Variants in TRHDE observed in about 807,000 individuals in gnomAD.
The protein encoded by TRHDE is thyrotropin releasing hormone degrading enzyme, also known as thyrotropin-releasing hormone-degrading ectoenzyme.
In TRHDE, 72 loss-of-function variants were observed where a neutral mutation model predicts 125.7. The ratio of observed to expected loss-of-function variants is 0.57; its 90% confidence interval spans 0.47 to 0.70. The LOEUF (loss-of-function observed/expected upper bound fraction) is 0.70, where lower values mean the gene tolerates loss of function less well. Ranked by LOEUF, TRHDE falls within the 30% of genes least tolerant of loss-of-function variation. The pLI is 0.00. For missense variants in TRHDE, 1,110 were observed against 1,327.1 expected (o/e 0.84, Z 2.54); for synonymous variants, 509 against 509.1 (o/e 1.00, Z 0.00).
At chr12:72,183,962 A>C (rs571487484) in intron 2 of TRHDE, among the ~76,000 whole-genome samples, 9 of 152,186 alleles carry the variant, frequency 5.9e-5, no homozygotes, top group Non-Finnish European at 1.3e-4. Flanking sequence ...AAACCAGTGG[A>C]AAGTGTATAT....
intron 5 of TRHDE, among the ~76,000 whole-genome samples, chr12:72,487,709 G>A (rs1301197547): frequency 6.6e-6 from 1 of 152,044 alleles, no homozygotes; most frequent in African/African-American, 2.4e-5. Context: ...TAAAACTACT[G>A]GTAGAGGTAA....
intron 2 of TRHDE, among the ~76,000 whole-genome samples, chr12:72,242,954 C>G (rs577526341): frequency 6.6e-6 from 1 of 152,198 alleles, no homozygotes; most frequent in African/African-American, 2.4e-5. Flanking sequence ...TGAAGGAAAT[C>G]CTATTGGGAG....
At chr12:72,503,877 C>T (rs1878253729) in intron 6 of TRHDE, among the ~76,000 whole-genome samples, 1 of 152,126 alleles carries the variant, frequency 6.6e-6, no homozygotes, top group African/African-American at 2.4e-5. Flanking sequence ...TAGATTATTA[C>T]TGGCCAATCC....
chr12:72,206,083 C>G (rs1877658633), intron 2 of TRHDE, among the ~76,000 whole-genome samples: 1 of 148,976 alleles, frequency 6.7e-6, no homozygotes, highest in African/African-American at 2.5e-5. Context: ...TGCCAAAGGA[C>G]AGATTTTTTT....
chr12:72,400,479 T>G (rs764907558), intron 3 of TRHDE, among the ~76,000 whole-genome samples: 64 of 152,250 alleles, frequency 4.2e-4, no homozygotes, highest in Non-Finnish European at 6.0e-4. Context: ...TAAACTGGTG[T>G]TTTTTATGCC....
At chr12:72,478,061 A>T (rs1442705919) in intron 5 of TRHDE, among the ~76,000 whole-genome samples, 3 of 152,236 alleles carry the variant, frequency 2.0e-5, no homozygotes, top group Non-Finnish European at 2.9e-5. Flanking sequence ...GTAAGGACAC[A>T]TACCTGGGCA....
At chr12:72,142,872 C>A (rs1009821980) in intron 2 of TRHDE, among the ~76,000 whole-genome samples, 1 of 152,064 alleles carries the variant, frequency 6.6e-6, no homozygotes, top group African/African-American at 2.4e-5. Context: ...CCACTCCACT[C>A]CCCTTTCCAG....
intron 3 of TRHDE, among the ~76,000 whole-genome samples, chr12:72,378,432 TA>T (rs1871997211): frequency 6.6e-6 from 1 of 152,108 alleles, no homozygotes; most frequent in South Asian, 2.1e-4. Context: ...ATTTAATCAG[TA>T]AAACTACCAT....
Position 72,272,884 on chromosome 12 carries a change from G to C in TRHDE, c.241G>C (p.Val81Leu), listed in dbSNP as rs1316738693. 6.3e-7 allele frequency: 1 copy of C among 1,579,588 alleles called. No homozygotes were observed. The highest frequency in any genetic ancestry group is 1.1e-5 in the South Asian group (1 of 87,772). ...RPRTTERHIAVHKRLVLAFAV... is the reference protein window; with the variant it reads ...RPRTTERHIALHKRLVLAFAV... The stretch of plus-strand genomic sequence containing the variant: ...CCGCACCACGGAGCGCCACATCGCC[G>C]TACACAAGCGGCTTGTGCTGGCCTT... Residue 81 changes from valine to leucine, a missense_variant, in exon 1 of 19, where the codon GTA becomes CTA. Physicochemically the swap from Val to Leu is conservative, Grantham distance 32 (BLOSUM62 1). Around this residue, in one of 5 missense-constraint regions of TRHDE, gnomAD observed 248 missense variants for 240.8 expected, o/e 1.03. Coordinates refer to ENST00000261180, the MANE Select transcript of TRHDE (RefSeq NM_013381.3). The surrounding 1 kb of genome is among the most constrained non-coding windows in gnomAD (Gnocchi z 6.7).
At chr12:72,301,134 T>A (rs1022019115) in intron 2 of TRHDE, among the ~76,000 whole-genome samples, 9 of 152,288 alleles carry the variant, frequency 5.9e-5, no homozygotes, top group Non-Finnish European at 1.3e-4. Context: ...TATTTTTTTT[T>A]ATTACCTGTG....
intron 2 of TRHDE, among the ~76,000 whole-genome samples, chr12:72,321,418 AG>A (rs771275316): frequency 2.6e-5 from 4 of 152,198 alleles, no homozygotes; most frequent in East Asian, 3.9e-4. Flanking sequence ...AAATTTAAAA[AG>A]ATACATAAAG....
At chr12:72,274,671 A>G (rs1879413662) in intron 1 of TRHDE, 2 of 152,244 alleles carry the variant, frequency 1.3e-5, no homozygotes, top group African/African-American at 4.8e-5. Context: ...AAGATCACCA[A>G]GAGTGAGCAG....
chr12:72,638,836 T>A (rs867724692), intron 15 of TRHDE, among the ~76,000 whole-genome samples: 67 of 152,134 alleles, frequency 4.4e-4, no homozygotes, highest in African/African-American at 1.4e-3. Context: ...ATTGGCCCCC[T>A]CTCTCTTCTG....
intron 2 of TRHDE, among the ~76,000 whole-genome samples, chr12:72,296,949 G>GGA (rs1880323695): frequency 6.6e-6 from 1 of 152,108 alleles, no homozygotes; most frequent in Non-Finnish European, 1.5e-5. Context: ...TTAGATTATG[G>GGA]GAGAGCTGAA....
At chr12:72,525,094 A>G (rs1261991553) in intron 6 of TRHDE, among the ~76,000 whole-genome samples, 1 of 152,150 alleles carries the variant, frequency 6.6e-6, no homozygotes, top group Non-Finnish European at 1.5e-5. Flanking sequence ...ATACTAAGAC[A>G]TATTTGAATC....
At chr12:72,595,102 G>A (rs1871873605) in intron 12 of TRHDE, among the ~76,000 whole-genome samples, 1 of 126,994 alleles carries the variant, frequency 7.9e-6, no homozygotes, top group South Asian at 3.1e-4. Context: ...ATCACACTCT[G>A]GGGACTGTTG....
At chr12:72,294,661 G>A (rs1030487356) in intron 2 of TRHDE, among the ~76,000 whole-genome samples, 2 of 152,120 alleles carry the variant, frequency 1.3e-5, no homozygotes, top group Non-Finnish European at 2.9e-5. Context: ...CCCTACTCTG[G>A]TCTGTGGGAT....
At chr12:72,215,454 C>T (rs1820557503) in intron 2 of TRHDE, among the ~76,000 whole-genome samples, 1 of 152,208 alleles carries the variant, frequency 6.6e-6, no homozygotes, top group South Asian at 2.1e-4. Flanking sequence ...AGAGGCCTGA[C>T]AGTGCACCCT....
chr12:72,381,255 G>A (rs1872162098), intron 3 of TRHDE, among the ~76,000 whole-genome samples: 1 of 152,146 alleles, frequency 6.6e-6, no homozygotes, highest in South Asian at 2.1e-4. Context: ...GATGTAAGAG[G>A]ACATGACAGA....
Sources: gnomAD v4.1 joint callset for allele counts (sites outside exome capture counted in the v4.1 genomes callset) on GRCh38, gnomAD v4.1.1 for gene constraint, gnomAD v4.1.1 regional missense constraint, Gnocchi (gnomAD v3.1) non-coding constraint, MANE v1.5 for transcripts, NCBI Gene and HGNC (gene_info 2026-07-23, HGNC 2026-07-21) for gene names.